The following SNTG2 variants were observed in gnomAD, a reference collection of about 807,000 sequenced individuals.
The protein encoded by SNTG2 is syntrophin gamma 2.
In SNTG2, 74 loss-of-function variants were observed where a neutral mutation model predicts 70.9. The ratio of observed to expected loss-of-function variants is 1.04; its 90% CI spans 0.86 to 1.27. The LOEUF (loss-of-function observed/expected upper bound fraction) is 1.27. SNTG2 is among the 50% of genes most tolerant of loss of function. SNTG2 has a pLI of 0.00. For synonymous variants in SNTG2, 278 were observed against 273.8 expected (o/e 1.02, Z -0.15); for missense variants, 717 against 690.7 (o/e 1.04, Z -0.43).
At position 1,097,327 on chromosome 2, in the gene SNTG2, T is replaced by A. The variant is rs1162202858; in HGVS notation, c.211-869T>A. 3.3e-5 allele frequency among the ~76,000 whole-genome samples: 5 copies of A among 152,216 alleles called. No homozygotes were observed. Among genetic ancestry groups the A allele is most frequent in the Admixed American group, 6.5e-5 (1 of 15,286 alleles). On this transcript the variant is annotated intron_variant, in intron 2 of 16. Coordinates refer to ENST00000308624, the MANE Select transcript of SNTG2 (RefSeq NM_018968.4). This position sits in a 1 kb window ranked among gnomAD's most constrained non-coding sequence, Gnocchi z 4.1. ...CACCCTTTTACTTCTTTGTCCTTGC[T>A]TTGCACAGCAGATTCCTTTCAGAGC...
intron 1 of SNTG2, among the ~76,000 whole-genome samples, chr2:1,030,973 C>A (rs951878636): frequency 7.9e-5 from 12 of 152,110 alleles, no homozygotes; most frequent in African/African-American, 2.9e-4. Flanking sequence ...ATTCTTTAAG[C>A]AAGTGGTAGT....
chr2:1,137,699 T>C (rs753655515), intron 5 of SNTG2, 34 bp downstream of exon 5: 1 of 1,613,338 alleles, frequency 6.2e-7, no homozygotes, highest in African/African-American at 1.3e-5. Context: ...TTAACTTGAT[T>C]GCATTTTTAT....
chr2:1,203,673 A>AATATATATAT (rs534989970), intron 8 of SNTG2, among the ~76,000 whole-genome samples: 1 of 115,516 alleles, frequency 8.7e-6, no homozygotes, highest in African/African-American at 3.2e-5. Flanking sequence ...CAAAAAAAAA[A>AATATATATAT]ATATATATAT....
intron 15 of SNTG2, among the ~76,000 whole-genome samples, chr2:1,314,001 G>A (rs1482697840): frequency 6.6e-6 from 1 of 152,198 alleles, no homozygotes; most frequent in East Asian, 1.9e-4. Flanking sequence ...TCACTTCACT[G>A]TGAGGACCAT....
At chr2:1,166,206 C>T (rs77417040) in intron 7 of SNTG2, among the ~76,000 whole-genome samples, 7 of 152,284 alleles carry the variant, frequency 4.6e-5, no homozygotes, top group Admixed American at 2.0e-4. Flanking sequence ...GAGTCACCAC[C>T]GTTCCTTTGA....
rs963304611 is a variant in SNTG2 at position 1,129,064 on chromosome 2, G to A, written c.326-8558G>A. ...GTTATACAGCAGAGGAATCGACCTC[G>A]AATAAACGACATATACATTTTATGC... On this transcript the variant is annotated intron_variant, in intron 4 of 16. Coordinates refer to ENST00000308624, the MANE Select transcript of SNTG2 (RefSeq NM_018968.4). Among the ~76,000 whole-genome samples, 8 of 152,174 alleles carry A rather than the reference G, an allele frequency of 5.3e-5. No homozygotes were observed. The East Asian group carries it at 1.4e-3, about 26-fold the overall frequency.
intron 14 of SNTG2, among the ~76,000 whole-genome samples, chr2:1,302,750 A>T (rs1680512385): frequency 6.6e-6 from 1 of 152,250 alleles, no homozygotes; most frequent in Non-Finnish European, 1.5e-5. Context: ...CAAGAAACTT[A>T]CTTCAAAGGT....
At chr2:1,171,607 G>A (rs1198501652) in intron 7 of SNTG2, among the ~76,000 whole-genome samples, 1 of 152,170 alleles carries the variant, frequency 6.6e-6, no homozygotes, top group African/African-American at 2.4e-5. Context: ...CCACAGCAGA[G>A]TCTTCACCAG....
At position 1,237,909 on chromosome 2, in the gene SNTG2, C is replaced by G; in HGVS notation, c.741C>G (p.Leu247=). ...CCAGGTGGAATGCGTTCGAGGTGCT[C>G]GCCCTGGACGGAGTCAGCTCTGGGA... is the stretch of plus-strand genomic sequence containing the variant. ...EKLRWNAFEV[L]ALDGVSSGIL... is the part of the protein sequence containing the mutation. Residue 247 remains leucine, a synonymous_variant, in exon 10 of 17, where the codon CTC becomes CTG. Coordinates refer to ENST00000308624, the MANE Select transcript of SNTG2 (RefSeq NM_018968.4). 14 of 1,604,856 alleles carry G rather than the reference C, an allele frequency of 8.7e-6. No homozygotes were observed. The highest frequency in any genetic ancestry group is 9.4e-6 in the Non-Finnish European group (11 of 1,176,120).
intron 1 of SNTG2, among the ~76,000 whole-genome samples, chr2:978,077 G>A (rs1466600268): frequency 6.6e-6 from 1 of 152,210 alleles, no homozygotes; most frequent in African/African-American, 2.4e-5. Context: ...TGAAGCATGG[G>A]ATGGAGACAT....
chr2:1,057,518 T>C (rs1255686347), intron 1 of SNTG2, among the ~76,000 whole-genome samples: 3 of 152,130 alleles, frequency 2.0e-5, no homozygotes, highest in Non-Finnish European at 4.4e-5. Context: ...AAGCATCCAG[T>C]GCGGGAGAAA....
At chr2:1,208,115 A>G (rs1424620520) in intron 8 of SNTG2, among the ~76,000 whole-genome samples, 5 of 152,178 alleles carry the variant, frequency 3.3e-5, no homozygotes, top group East Asian at 1.9e-4. Flanking sequence ...CCTGGACCCT[A>G]TGGTCCACAG....
At chr2:1,000,224 C>T (rs1477046580) in intron 1 of SNTG2, among the ~76,000 whole-genome samples, 1 of 151,174 alleles carries the variant, frequency 6.6e-6, no homozygotes, top group East Asian at 1.9e-4. Flanking sequence ...CATCAAGGAA[C>T]CAGGAAAAGA....
rs147513549 is a variant in SNTG2, at chr2:957,005, C to T, written c.72+5937C>T. On this transcript the variant is annotated intron_variant, in intron 1 of 16. Coordinates refer to ENST00000308624, the MANE Select transcript of SNTG2 (RefSeq NM_018968.4). Reference sequence around the variant, plus strand: ...TGCTCAAGATTATCCTTCATGACTTCTCTGCAGATAATTATATTTTACCAA... The same window carrying T: ...TGCTCAAGATTATCCTTCATGACTTTTCTGCAGATAATTATATTTTACCAA... 4.4e-4 allele frequency among the ~76,000 whole-genome samples: 67 copies of T among 152,296 alleles called. No individual in the cohort carries two copies. In the Middle Eastern group the frequency reaches 0.01, roughly 23 times the overall value.
intron 1 of SNTG2, among the ~76,000 whole-genome samples, chr2:1,080,885 C>T (rs1228513902): frequency 6.6e-6 from 1 of 152,060 alleles, no homozygotes; most frequent in African/African-American, 2.4e-5. Context: ...CCTAGGTCAA[C>T]AATTAAGGAC....
intron 6 of SNTG2, among the ~76,000 whole-genome samples, chr2:1,142,927 A>G (rs28691715): frequency 0.56 from 85,254 of 152,046 alleles, 24,250 homozygotes; most frequent in East Asian, 0.83. Context: ...AGCTTTTCTG[A>G]AATTAGGCTT....
chr2:1,001,566 A>G (rs1659396243), intron 1 of SNTG2, among the ~76,000 whole-genome samples: 1 of 152,026 alleles, frequency 6.6e-6, no homozygotes, highest in Non-Finnish European at 1.5e-5. Context: ...CAAGGAGGTA[A>G]AAGAATTCTA....
At chr2:1,084,653 T>C (rs543972213) in intron 2 of SNTG2, among the ~76,000 whole-genome samples, 3 of 152,162 alleles carry the variant, frequency 2.0e-5, no homozygotes, top group Non-Finnish European at 4.4e-5. Context: ...TGTAACAAAA[T>C]CCCCAAGCTG....
chr2:1,031,528 A>ATTTTTTTTTTTTTTTTT (rs745388505), intron 1 of SNTG2, among the ~76,000 whole-genome samples: 1 of 59,142 alleles, frequency 1.7e-5, no homozygotes, highest in African/African-American at 8.3e-5. Context: ...ATATATATAT[A>ATTTTTTTTTTTTTTTTT]TTTTTTTTTT....
Sources: gnomAD v4.1 joint callset for allele counts (sites outside exome capture counted in the v4.1 genomes callset) on GRCh38, gnomAD v4.1.1 for gene constraint, Gnocchi (gnomAD v3.1) non-coding constraint, MANE v1.5 for transcripts, NCBI Gene and HGNC (gene_info 2026-07-23, HGNC 2026-07-21) for gene names.